CHRNB3: variants seen among roughly 807,000 people sequenced by gnomAD.
The protein encoded by CHRNB3 is neuronal acetylcholine receptor subunit beta-3.
A neutral mutation model predicts 40.6 loss-of-function variants in CHRNB3; 37 were observed. The observed-to-expected ratio is 0.91, with a 90% CI of 0.70 to 1.20. The LOEUF is 1.20. Among genes scored for constraint, CHRNB3 ranks in the 50% most tolerant of loss-of-function variants. CHRNB3 has a pLI of 0.00. For missense variants in CHRNB3, 505 were observed against 551.2 expected (o/e 0.92, Z 0.84); for synonymous variants, 207 against 207.1 (o/e 1.00, Z 0.00).
At chr8:42,721,445 C>T (rs7008048) in intron 3 of CHRNB3, among the ~76,000 whole-genome samples, 8,708 of 152,116 alleles carry the variant, frequency 0.057, 327 homozygotes, top group Middle Eastern at 0.11. Flanking sequence ...TCCTATAAGC[C>T]AGGCGCAGTG....
At chr8:42,703,515 T>A (rs897453907) in intron 1 of CHRNB3, among the ~76,000 whole-genome samples, 2 of 146,966 alleles carry the variant, frequency 1.4e-5, no homozygotes, top group African/African-American at 2.4e-5. Flanking sequence ...GGTTTTTCAA[T>A]GGATTACTGA....
intron 1 of CHRNB3, among the ~76,000 whole-genome samples, chr8:42,699,713 C>T (rs1452231016): frequency 6.6e-6 from 1 of 151,368 alleles, no homozygotes; most frequent in African/African-American, 2.4e-5. Flanking sequence ...TGCAGAAAGC[C>T]GAGATCACAC....
intron 1 of CHRNB3, among the ~76,000 whole-genome samples, chr8:42,707,057 C>G (rs1400074481): frequency 6.6e-6 from 1 of 152,186 alleles, no homozygotes; most frequent in African/African-American, 2.4e-5. Flanking sequence ...CCATGCCTGG[C>G]CCACAGTTTT....
intron 3 of CHRNB3, among the ~76,000 whole-genome samples, chr8:42,716,512 T>C (rs62516754): frequency 0.057 from 8,698 of 152,082 alleles, 326 homozygotes; most frequent in Middle Eastern, 0.1. Flanking sequence ...CTACAGACCA[T>C]GGCTACCCAC....
At chr8:42,736,384 A>G in intron 5 of CHRNB3, 100 bp from the exon 6 acceptor site, 1 of 1,413,828 alleles carries the variant, frequency 7.1e-7, no homozygotes, top group African/African-American at 1.4e-5. Context: ...ACTTAAGTAA[A>G]TGCTATAAAT....
Position 42,703,435 on chromosome 8 carries a change from A to AAAAAAAAAAATATAT in CHRNB3, c.53-5281_53-5280insAAAAAAAAATATATA. On this transcript the variant is annotated intron_variant, in intron 1 of 5. Coordinates refer to ENST00000289957, the MANE Select transcript of CHRNB3 (RefSeq NM_000749.5). The stretch of plus-strand genomic sequence containing the variant: ...CAAGACTTCGTCTAAAAAAAAAAAA[A>AAAAAAAAAAATATAT]ATATTTATATATATATATATATATA... 7.6e-4 allele frequency among the ~76,000 whole-genome samples: 36 copies of AAAAAAAAAAATATAT among 47,394 alleles called. 8 individuals are homozygous for AAAAAAAAAAATATAT. Among genetic ancestry groups the AAAAAAAAAAATATAT allele is most frequent in the South Asian group, 2.6e-3 (3 of 1,136 alleles). 31.1% of individuals were successfully genotyped at this position (47,394 alleles called of 152,430 possible). A position where few individuals can be genotyped will look rare whatever the true frequency, so the allele number is the denominator to read the frequency against.
intron 3 of CHRNB3, among the ~76,000 whole-genome samples, chr8:42,712,283 G>A (rs750832665): frequency 4.6e-5 from 7 of 152,172 alleles, no homozygotes; most frequent in South Asian, 2.1e-4. Flanking sequence ...GTGAGCCACC[G>A]CACCCACCCT....
chr8:42,710,267 A>C (rs1586395918), intron 2 of CHRNB3, 123 bp from the exon 3 acceptor site: 1 of 721,062 alleles, frequency 1.4e-6, no homozygotes, highest in East Asian at 2.8e-5. Flanking sequence ...GCAGTGAGCT[A>C]TGGTGGCACC....
chr8:42,720,361 G>A (rs1375396007), intron 3 of CHRNB3, among the ~76,000 whole-genome samples: 4 of 151,816 alleles, frequency 2.6e-5, no homozygotes, highest in Non-Finnish European at 5.9e-5. Context: ...TGATCTGCCC[G>A]CCTTGGCCTC....
chr8:42,700,615 C>T lies in CHRNB3; in HGVS notation c.52+3017C>T, dbSNP rs368576291. Among the ~76,000 whole-genome samples the T allele has an allele frequency of 1.6e-4, 24 of 152,250 alleles. 1 individual carries two copies. The highest frequency in any genetic ancestry group is 5.9e-4 in the Admixed American group (9 of 15,292). ...GATTACAGGCATGAGCCACCATGCC[C>T]GGCCCAATTATTTCTTTTCTGTCCT... is the stretch of plus-strand genomic sequence containing the variant. On this transcript the variant is annotated intron_variant, in intron 1 of 5. Transcript: ENST00000289957.
chr8:42,730,730 T>C lies in CHRNB3; in HGVS notation c.359+27T>C, dbSNP rs371439470. 38 of 1,445,008 alleles carry C rather than the reference T, an allele frequency of 2.6e-5. No homozygotes were observed. The African/African-American group carries it at 5.0e-4, about 19-fold the overall frequency. 89.5% of individuals were successfully genotyped at this position (1,445,008 alleles called of 1,614,324 possible). A position where few individuals can be genotyped will look rare whatever the true frequency, so the allele number is the denominator to read the frequency against. ...TAAGTATCACATTGTTTCTTACTTA[T>C]GGGGAAAAAAATAAATTTTTTAAAA... On this transcript the variant is annotated intron_variant, in intron 4 of 5. Transcript: ENST00000289957.
chr8:42,730,083 C>T (rs574121685), intron 3 of CHRNB3, among the ~76,000 whole-genome samples: 4 of 152,190 alleles, frequency 2.6e-5, no homozygotes, highest in African/African-American at 9.6e-5. Context: ...TTATTGGATA[C>T]AAGTTCTAAT....
rs533589638 is a variant in CHRNB3, at chr8:42,734,422, T to C, written c.1242+1873T>C. ...CCCGTAAACAAACTGATGAAAGAAT[T>C]TTTTTTTTTTTTTTTGAGATGGAGT... is the stretch of plus-strand genomic sequence containing the variant. On this transcript the variant is annotated intron_variant, in intron 5 of 5. Coordinates refer to ENST00000289957, the MANE Select transcript of CHRNB3 (RefSeq NM_000749.5). Among the ~76,000 whole-genome samples the C allele has an allele frequency of 9.1e-4, 129 of 141,822 alleles. 1 individual carries two copies. The highest frequency in any genetic ancestry group is 3.0e-3 in the African/African-American group (116 of 38,906). The allele number at this position is 141,822 out of a possible 152,430, so 93.0% of individuals were successfully genotyped here.
chr8:42,711,833 C>A (rs1816021141), intron 3 of CHRNB3, among the ~76,000 whole-genome samples: 1 of 151,298 alleles, frequency 6.6e-6, no homozygotes, highest in Non-Finnish European at 1.5e-5. Context: ...TCAACTTATT[C>A]CCCTCCCTTC....
intron 4 of CHRNB3, among the ~76,000 whole-genome samples, chr8:42,731,050 G>A (rs1285713126): frequency 9.4e-6 from 1 of 105,996 alleles, no homozygotes; most frequent in African/African-American, 3.9e-5. Flanking sequence ...GCGAGACTCC[G>A]TCTCAAAAAA....
chr8:42,703,829 T>C (rs1282186048), intron 1 of CHRNB3, among the ~76,000 whole-genome samples: 1 of 152,180 alleles, frequency 6.6e-6, no homozygotes. Context: ...GAGAAGCACT[T>C]GGCCTTTCTC....
chr8:42,713,537 G>A (rs920860616), intron 3 of CHRNB3, among the ~76,000 whole-genome samples: 1 of 151,958 alleles, frequency 6.6e-6, no homozygotes, highest in African/African-American at 2.4e-5. Context: ...GACTTTTTTG[G>A]GTATAAATAT....
At chr8:42,734,473 G>T (rs112124282) in intron 5 of CHRNB3, among the ~76,000 whole-genome samples, 15,324 of 146,002 alleles carry the variant, frequency 0.1, 1,195 homozygotes, top group African/African-American at 0.2. Context: ...AGGCTGTAGT[G>T]CAATAGCTCG....
rs1317675660 is a variant in CHRNB3 at position 42,712,153 on chromosome 8, C to T, written c.249+1719C>T. Among the ~76,000 whole-genome samples the T allele has an allele frequency of 4.0e-5, 6 of 151,880 alleles. No individual in the cohort carries two copies. In the East Asian group the frequency reaches 7.7e-4, roughly 20 times the overall value. ...GACTACAGGCACATGCCACCACGCC[C>T]GGCTAATTTTTGTATTTTTAGTAGA... is the stretch of plus-strand genomic sequence containing the variant. On this transcript the variant is annotated intron_variant, in intron 3 of 5. Transcript: ENST00000289957.
Sources: gnomAD v4.1 joint callset for allele counts (sites outside exome capture counted in the v4.1 genomes callset) on GRCh38, gnomAD v4.1.1 for gene constraint, MANE v1.5 for transcripts, NCBI Gene and HGNC (gene_info 2026-07-23, HGNC 2026-07-21) for gene names.